Variants in DCAF8L2 observed in about 807,000 individuals in gnomAD.
DCAF8L2 encodes DDB1- and CUL4-associated factor 8-like protein 2.
For synonymous variants in DCAF8L2, 200 were observed against 190.9 expected, an observed-to-expected ratio of 1.05 and a Z score of -0.39; for missense variants, 430 against 490.7, an observed-to-expected ratio of 0.88 and a Z score of 1.17.
the DCAF8L2 span, among the ~76,000 whole-genome samples, chrX:27,512,118 A>AT: frequency 1.8e-5 from 2 of 110,211 alleles, no homozygotes; most frequent in Non-Finnish European, 3.8e-5. Context: ...AAAATAAAAA[A>AT]AAATTAGCTG....
intron 2 of DCAF8L2, among the ~76,000 whole-genome samples, chrX:27,646,839 C>G (rs1569170705): frequency 9.0e-6 from 1 of 111,281 alleles, no homozygotes; most frequent in African/African-American, 3.3e-5. Context: ...TAGAGAAATG[C>G]AAATCAAAAC....
intron 1 of DCAF8L2, among the ~76,000 whole-genome samples, chrX:27,629,135 T>C (rs1288007166): frequency 4.5e-5 from 5 of 111,942 alleles, no homozygotes; most frequent in African/African-American, 1.6e-4. Flanking sequence ...TTGTCAGATA[T>C]ACAGTTGACA....
chrX:27,533,164 G>GAAAGAA, the DCAF8L2 span, among the ~76,000 whole-genome samples: 13 of 17,341 alleles, frequency 7.5e-4, no homozygotes, highest in Admixed American at 3.8e-3. Flanking sequence ...GAGAGAGAGA[G>GAAAGAA]AGAAAGAAAG....
At chrX:27,673,956 C>T (rs1020784188) in intron 2 of DCAF8L2, among the ~76,000 whole-genome samples, 10 of 110,912 alleles carry the variant, frequency 9.0e-5, no homozygotes, top group African/African-American at 2.0e-4. Flanking sequence ...TTATTTTATG[C>T]GTATATAGTA....
chrX:27,685,089 G>T (rs1033878000), intron 3 of DCAF8L2, among the ~76,000 whole-genome samples: 6 of 111,572 alleles, frequency 5.4e-5, no homozygotes, highest in African/African-American at 2.0e-4. Flanking sequence ...ACTAAACTTA[G>T]ACTCCATGGT....
intron 2 of DCAF8L2, chrX:27,633,052 G>GTATGCA (rs774096597): frequency 8.9e-6 from 1 of 112,125 alleles, no homozygotes; most frequent in Non-Finnish European, 1.9e-5. Flanking sequence ...AAGTGTATAT[G>GTATGCA]TATGCATATG....
intron 1 of DCAF8L2, among the ~76,000 whole-genome samples, chrX:27,611,167 C>T (rs1168063896): frequency 1.8e-5 from 2 of 110,771 alleles, no homozygotes; most frequent in African/African-American, 6.6e-5. Context: ...GACAATAGTA[C>T]CGATAGTACA....
chrX:27,469,778 CT>C, the DCAF8L2 span, among the ~76,000 whole-genome samples: 1,701 of 100,824 alleles, frequency 0.017, 21 homozygotes, highest in African/African-American at 0.036. Flanking sequence ...ATCATTTTCT[CT>C]TTTTTTTTTT....
chrX:27,617,682 A>G (rs1274565376), intron 1 of DCAF8L2, among the ~76,000 whole-genome samples: 2 of 111,081 alleles, frequency 1.8e-5, no homozygotes, highest in Admixed American at 9.7e-5. Flanking sequence ...CATATTCCCA[A>G]AATATCCAGT....
intron 3 of DCAF8L2, among the ~76,000 whole-genome samples, chrX:27,682,199 C>T (rs1215019523): frequency 9.0e-6 from 1 of 111,618 alleles, no homozygotes; most frequent in Non-Finnish European, 1.9e-5. Context: ...TTCTGACATC[C>T]AGTGATCCTC....
At chrX:27,666,132 A>G (rs1929733684) in intron 2 of DCAF8L2, among the ~76,000 whole-genome samples, 1 of 111,883 alleles carries the variant, frequency 8.9e-6, no homozygotes, top group South Asian at 3.7e-4. Context: ...TCTGACGTTA[A>G]TTTCCTCTTA....
the DCAF8L2 span, among the ~76,000 whole-genome samples, chrX:27,491,264 T>A: frequency 8.9e-6 from 1 of 112,648 alleles, no homozygotes; most frequent in Non-Finnish European, 1.9e-5. Flanking sequence ...ATTTTGTTTA[T>A]GATCTATTTT....
rs1274021139 is a variant in DCAF8L2, at chrX:27,677,920, T to C, written c.-143+8T>C. On this transcript the variant is annotated splice_region_variant and intron_variant, in intron 3 of 4. Transcript: ENST00000451261. ...AGCGGTGCTAATAAGGAGGTAAGAG[T>C]GGATGTAGATAAATCTGTTAGGAGG... The C allele has an allele frequency of 1.8e-5, 2 of 111,278 alleles. No homozygotes were observed. The highest frequency in any genetic ancestry group is 9.6e-5 in the Admixed American group (1 of 10,449). 9.2% of individuals were successfully genotyped at this position (111,278 alleles called of 1,213,427 possible).
chrX:27,511,125 G>T, the DCAF8L2 span, among the ~76,000 whole-genome samples: 5 of 110,918 alleles, frequency 4.5e-5, no homozygotes, highest in Admixed American at 2.9e-4. Flanking sequence ...TTCTGCTTGT[G>T]TCATGTAGAG....
At chrX:27,585,196 C>A in the DCAF8L2 span, among the ~76,000 whole-genome samples, 1 of 111,212 alleles carries the variant, frequency 9.0e-6, no homozygotes, top group East Asian at 2.8e-4. Flanking sequence ...TATGAAACTG[C>A]TCTCATAATA....
At chrX:27,726,264 T>C (rs1211796783) in intron 4 of DCAF8L2, among the ~76,000 whole-genome samples, 1 of 111,498 alleles carries the variant, frequency 9.0e-6, no homozygotes, top group Non-Finnish European at 1.9e-5. Context: ...TCTTAACAAC[T>C]CTTTCTTTCT....
chrX:27,695,218 G>A (rs917701778), intron 3 of DCAF8L2, among the ~76,000 whole-genome samples: 8 of 111,780 alleles, frequency 7.2e-5, no homozygotes, highest in African/African-American at 2.6e-4. Flanking sequence ...ATTCTTCCTT[G>A]CTATACCATT....
chrX:27,483,728 T>A, the DCAF8L2 span, among the ~76,000 whole-genome samples: 71 of 111,219 alleles, frequency 6.4e-4, no homozygotes, highest in African/African-American at 2.2e-3. Flanking sequence ...ACATTTATTT[T>A]ATACACACAT....
chrX:27,595,119 A>T (rs184760596), intron 1 of DCAF8L2, among the ~76,000 whole-genome samples: 2 of 110,735 alleles, frequency 1.8e-5, no homozygotes, highest in East Asian at 5.7e-4. Flanking sequence ...AAGCTCCAGG[A>T]CTCAGTCTTC....
Sources: gnomAD v4.1 joint callset for allele counts (sites outside exome capture counted in the v4.1 genomes callset) on GRCh38, gnomAD v4.1.1 for gene constraint, MANE v1.5 for transcripts, NCBI Gene and HGNC (gene_info 2026-07-23, HGNC 2026-07-21) for gene names.